Variants in LUZP2 observed in about 807,000 individuals in gnomAD.
The protein encoded by LUZP2 is leucine zipper protein 2.
In LUZP2, 52 loss-of-function variants were observed where a neutral mutation model predicts 51.6. The ratio of observed to expected loss-of-function variants is 1.01; its 90% CI spans 0.81 to 1.27. LUZP2 has a LOEUF of 1.27. LUZP2 is among the 50% of genes most tolerant of loss of function. LUZP2 has a pLI of 0.00. For missense variants in LUZP2, 436 were observed against 395.4 expected (o/e 1.10, Z -0.87); for synonymous variants, 154 against 137.3 (o/e 1.12, Z -0.85).
At chr11:24,546,616 A>G (rs1156773109) in intron 1 of LUZP2, among the ~76,000 whole-genome samples, 1 of 152,066 alleles carries the variant, frequency 6.6e-6, no homozygotes, top group Non-Finnish European at 1.5e-5. Context: ...CATCCCAGGG[A>G]TAAAGCCCAC....
At chr11:25,031,705 A>G (rs1857693071) in intron 9 of LUZP2, among the ~76,000 whole-genome samples, 1 of 151,040 alleles carries the variant, frequency 6.6e-6, no homozygotes, top group African/African-American at 2.4e-5. Context: ...TTTTTCTTTG[A>G]TATGGGCATT....
chr11:24,949,330 A>ATCTCTCTC (rs57384444), intron 7 of LUZP2, among the ~76,000 whole-genome samples: 2 of 34,314 alleles, frequency 5.8e-5, no homozygotes, highest in Non-Finnish European at 1.4e-4. Flanking sequence ...CTATCTATCT[A>ATCTCTCTC]TCTCTCTATC....
chr11:24,651,941 G>A (rs1380085300), intron 1 of LUZP2, among the ~76,000 whole-genome samples: 4 of 151,780 alleles, frequency 2.6e-5, no homozygotes, highest in African/African-American at 2.4e-5. Context: ...CAATTCCCTC[G>A]GCCAGTTCTT....
intron 5 of LUZP2, among the ~76,000 whole-genome samples, chr11:24,847,668 T>G (rs1851244854): frequency 6.6e-6 from 1 of 152,104 alleles, no homozygotes; most frequent in African/African-American, 2.4e-5. Flanking sequence ...GAAACAAATA[T>G]CCCAGTCCAC....
rs373809758 is a variant in LUZP2, at chr11:25,033,620, G to A, written c.766-16418G>A. On this transcript the variant is annotated intron_variant, in intron 9 of 11. Coordinates refer to ENST00000336930, the MANE Select transcript of LUZP2 (RefSeq NM_001009909.4). ...TCCACAGTGTCTATAACTTCCGTAT[G>A]TATGTCCATGTGTGCTCAGTGGTTA... Among the ~76,000 whole-genome samples the A allele has an allele frequency of 5.3e-5, 8 of 152,184 alleles. No homozygotes were observed. In the East Asian group the frequency reaches 5.8e-4, roughly 11 times the overall value.
Position 24,983,118 on chromosome 11 carries a change from T to C in LUZP2, c.598-8T>C. 6.2e-7 allele frequency: 1 copy of C among 1,610,300 alleles called. No homozygotes were observed. The highest frequency in any genetic ancestry group is 8.5e-7 in the Non-Finnish European group (1 of 1,178,004). On this transcript the variant is annotated splice_polypyrimidine_tract_variant and splice_region_variant and intron_variant, in intron 8 of 11. Transcript: ENST00000336930. ...AATGTAAATATGTTAATGCCTCTTT[T>C]TTTGTAGGAGTCACAGATGAAAGCA... is the stretch of plus-strand genomic sequence containing the variant.
intron 1 of LUZP2, among the ~76,000 whole-genome samples, chr11:24,661,773 A>G (rs1856029821): frequency 1.3e-5 from 2 of 152,146 alleles, no homozygotes; most frequent in South Asian, 2.1e-4. Context: ...CTATTCGTGA[A>G]CCTAGGTAGA....
At chr11:24,676,895 G>A (rs1856574399) in intron 1 of LUZP2, among the ~76,000 whole-genome samples, 1 of 152,044 alleles carries the variant, frequency 6.6e-6, no homozygotes, top group Non-Finnish European at 1.5e-5. Context: ...TCGAACTCCT[G>A]AACTCAGGTG....
chr11:24,649,122 T>G (rs1590292588), intron 1 of LUZP2, among the ~76,000 whole-genome samples: 1 of 151,966 alleles, frequency 6.6e-6, no homozygotes, highest in Admixed American at 6.6e-5. Context: ...ATACTTTGCC[T>G]TTTTTAAAAA....
At chr11:24,763,574 A>G (rs1860066060) in intron 5 of LUZP2, among the ~76,000 whole-genome samples, 1 of 152,124 alleles carries the variant, frequency 6.6e-6, no homozygotes, top group African/African-American at 2.4e-5. Flanking sequence ...ATTAAAAATC[A>G]ATTTTCATTT....
intron 4 of LUZP2, chr11:24,762,831 T>C: frequency 5.6e-6 from 1 of 179,078 alleles, no homozygotes; most frequent in Non-Finnish European, 1.1e-5. Flanking sequence ...AGGGATATTA[T>C]TATGTAATTG....
chr11:24,867,036 G>C (rs1029545649), intron 5 of LUZP2, among the ~76,000 whole-genome samples: 1 of 152,100 alleles, frequency 6.6e-6, no homozygotes, highest in African/African-American at 2.4e-5. Context: ...AATTCAACTT[G>C]ACTTCAAAAA....
chr11:24,805,508 C>G (rs1444485925), intron 5 of LUZP2, among the ~76,000 whole-genome samples: 1 of 152,178 alleles, frequency 6.6e-6, no homozygotes. Context: ...TTACTTCATA[C>G]TCTTTCCTTT....
At chr11:24,827,261 A>G (rs1340234529) in intron 5 of LUZP2, among the ~76,000 whole-genome samples, 1 of 152,216 alleles carries the variant, frequency 6.6e-6, no homozygotes, top group Non-Finnish European at 1.5e-5. Context: ...AGAGTGGGTC[A>G]GAATTCAGGG....
intron 7 of LUZP2, among the ~76,000 whole-genome samples, chr11:24,956,520 A>G (rs778080454): frequency 6.6e-6 from 1 of 152,122 alleles, no homozygotes; most frequent in Non-Finnish European, 1.5e-5. Context: ...CCTGACTTCA[A>G]TTTTATACAT....
intron 1 of LUZP2, among the ~76,000 whole-genome samples, chr11:24,713,338 A>G (rs185968615): frequency 2.6e-4 from 39 of 152,268 alleles, no homozygotes; most frequent in African/African-American, 9.4e-4. Context: ...CCCTAGCGAA[A>G]CCGAATCGAA....
At chr11:24,851,038 T>A (rs1191297225) in intron 5 of LUZP2, among the ~76,000 whole-genome samples, 3 of 152,220 alleles carry the variant, frequency 2.0e-5, no homozygotes, top group South Asian at 2.1e-4. Flanking sequence ...TGTCTAAATA[T>A]ACAATCATGT....
chr11:24,749,551 G>T (rs1453945313), intron 4 of LUZP2, among the ~76,000 whole-genome samples: 1 of 152,148 alleles, frequency 6.6e-6, no homozygotes, highest in Non-Finnish European at 1.5e-5. Context: ...CATCCAATGA[G>T]CTGTCAGCAC....
chr11:24,984,423 TC>T (rs1292304685), intron 9 of LUZP2, among the ~76,000 whole-genome samples: 2 of 149,906 alleles, frequency 1.3e-5, no homozygotes, highest in African/African-American at 4.9e-5. Flanking sequence ...CTGTATGAGA[TC>T]CTTATGTAAT....
Sources: allele counts gnomAD v4.1 joint callset (sites outside exome capture counted in the v4.1 genomes callset), GRCh38; gene constraint gnomAD v4.1.1; transcripts MANE v1.5; gene names NCBI Gene and HGNC (gene_info 2026-07-23, HGNC 2026-07-21).